The following GRB14 variants were observed in gnomAD, a reference collection of about 807,000 sequenced individuals.
The protein encoded by GRB14 is growth factor receptor bound protein 14.
GRB14 carries 38 observed loss-of-function variants against 69.1 expected under a neutral mutation model. That is an observed-to-expected ratio of 0.55 (90% CI 0.42 to 0.72). GRB14 has a LOEUF of 0.72. Ranked by LOEUF, GRB14 falls within the 30% of genes least tolerant of loss-of-function variation. The pLI is 0.00. For missense variants in GRB14, 666 were observed against 666.1 expected (o/e 1.00, Z 0.00); for synonymous variants, 247 against 241.3 (o/e 1.02, Z -0.22).
Position 164,497,059 on chromosome 2 carries a change from A to G in GRB14, c.1331T>C (p.Ile444Thr). ...CAATCGCTGAGCCTCATCTCTAGAA[A>G]TTTTGTGGTGAAACCATGGCTGGGA... ...HRSQPWFHHK[I>T]SRDEAQRLII... Residue 444 changes from isoleucine to threonine, a missense_variant, in exon 12 of 14, where the codon ATT becomes ACT. Ile to Thr is a moderately conservative substitution (Grantham distance 89). Transcript: ENST00000263915. 6.2e-7 allele frequency: 1 copy of G among 1,613,968 alleles called. No individual in the cohort carries two copies. Among genetic ancestry groups the G allele is most frequent in the Non-Finnish European group, 8.5e-7 (1 of 1,179,892 alleles).
In GRB14 at chr2:164,621,060, T is replaced by TCA; in HGVS notation, c.191+57_191+58dup. 1.6e-6 allele frequency: 2 copies of TCA among 1,233,396 alleles called. No homozygotes were observed. Among genetic ancestry groups the TCA allele is most frequent in the East Asian group, 6.3e-5 (2 of 31,612 alleles). 76.4% of individuals were successfully genotyped at this position (1,233,396 alleles called of 1,614,324 possible). On this transcript the variant is annotated intron_variant, in intron 1 of 13. Transcript: ENST00000263915. This position sits in a 1 kb window ranked among gnomAD's most constrained non-coding sequence, Gnocchi z 6.0. ...TGGCTCACCCCCTAGGACCGCCTCCTCACCCCCTCGCCGGCTGCCCAGCCA... is the reference window on the plus strand; with the variant it reads ...TGGCTCACCCCCTAGGACCGCCTCCTCACACCCCCTCGCCGGCTGCCCAGCCA...
At chr2:164,557,915 T>C (rs957352399) in intron 2 of GRB14, among the ~76,000 whole-genome samples, 4 of 152,046 alleles carry the variant, frequency 2.6e-5, no homozygotes, top group Non-Finnish European at 5.9e-5. Flanking sequence ...AATCCACAGA[T>C]GATGTTTTAT....
intron 2 of GRB14, among the ~76,000 whole-genome samples, chr2:164,552,114 T>C (rs966538542): frequency 6.6e-6 from 1 of 152,200 alleles, no homozygotes; most frequent in Admixed American, 6.5e-5. Flanking sequence ...CCCATGAATA[T>C]AGCACCAGGA....
intron 2 of GRB14, among the ~76,000 whole-genome samples, chr2:164,548,101 A>T (rs574612246): frequency 6.6e-6 from 1 of 152,132 alleles, no homozygotes; most frequent in Non-Finnish European, 1.5e-5. Context: ...AGAGCTCTAG[A>T]TGTGTTCATC....
At chr2:164,536,828 A>G (rs1231119797) in intron 3 of GRB14, among the ~76,000 whole-genome samples, 1 of 152,190 alleles carries the variant, frequency 6.6e-6, no homozygotes, top group Non-Finnish European at 1.5e-5. Flanking sequence ...ACAACCTTGT[A>G]TCTAAATCTT....
In GRB14 at chr2:164,530,230, C is replaced by T. The variant is rs545412594; in HGVS notation, c.482-3095G>A. 3.3e-5 allele frequency among the ~76,000 whole-genome samples: 5 copies of T among 152,170 alleles called. 1 individual carries two copies. Among genetic ancestry groups the T allele is most frequent in the East Asian group, 3.9e-4 (2 of 5,156 alleles). On this transcript the variant is annotated intron_variant, in intron 3 of 13. Coordinates refer to ENST00000263915, the MANE Select transcript of GRB14 (RefSeq NM_004490.3). ...TGCAGGAAGGTAAAGGGGGAGCAGG[C>T]GTGTCACACGGCAAGAGACAGCAAT... is the stretch of plus-strand genomic sequence containing the variant.
chr2:164,601,304 T>C (rs556483769), intron 2 of GRB14, among the ~76,000 whole-genome samples: 105 of 152,178 alleles, frequency 6.9e-4, no homozygotes, highest in Non-Finnish European at 1.2e-3. Context: ...ATTTTTGATA[T>C]TTCATAAAGG....
chr2:164,594,505 C>T (rs1461167365), intron 2 of GRB14, among the ~76,000 whole-genome samples: 2 of 152,154 alleles, frequency 1.3e-5, no homozygotes, highest in African/African-American at 4.8e-5. Flanking sequence ...TGGCCTCTTC[C>T]TCCAGGATGC....
intron 3 of GRB14, among the ~76,000 whole-genome samples, chr2:164,533,760 C>T (rs942211467): frequency 6.6e-6 from 1 of 152,194 alleles, no homozygotes; most frequent in African/African-American, 2.4e-5. Flanking sequence ...TAAGCAGGTT[C>T]GGTGGCTCAT....
At chr2:164,542,610 G>A (rs1039994169) in intron 3 of GRB14, among the ~76,000 whole-genome samples, 1 of 152,056 alleles carries the variant, frequency 6.6e-6, no homozygotes, top group Non-Finnish European at 1.5e-5. Context: ...CTTGAAAGAA[G>A]ACATACAAGT....
At chr2:164,545,355 T>G (rs1688348469) in intron 3 of GRB14, among the ~76,000 whole-genome samples, 2 of 152,146 alleles carry the variant, frequency 1.3e-5, no homozygotes, top group Non-Finnish European at 2.9e-5. Context: ...TTAAGGATCT[T>G]GAAATGGAGA....
intron 2 of GRB14, chr2:164,568,471 G>A: frequency 8.5e-7 from 1 of 1,170,960 alleles, no homozygotes; most frequent in Non-Finnish European, 1.1e-6. Flanking sequence ...AGGGCTCAGT[G>A]CAATGAAACA....
intron 2 of GRB14, among the ~76,000 whole-genome samples, chr2:164,560,991 G>T (rs1306835719): frequency 2.6e-5 from 4 of 152,106 alleles, no homozygotes; most frequent in African/African-American, 9.7e-5. Flanking sequence ...TGCCAAAAAA[G>T]AGATTATTAT....
chr2:164,615,290 T>C (rs945040134), intron 2 of GRB14, among the ~76,000 whole-genome samples: 8 of 152,176 alleles, frequency 5.3e-5, no homozygotes, highest in African/African-American at 1.7e-4. Flanking sequence ...TAAAATCAAA[T>C]ATTTGATAGA....
chr2:164,573,894 C>T lies in GRB14; in HGVS notation c.325-26078G>A, dbSNP rs112034268. ...GCAAGACTGGATGCCAAGATTGATT[C>T]TAAATTAGGTCATGTGGTTATGGGT... On this transcript the variant is annotated intron_variant, in intron 2 of 13. Coordinates refer to ENST00000263915, the MANE Select transcript of GRB14 (RefSeq NM_004490.3). 2,171 of 1,613,250 alleles carry T rather than the reference C, an allele frequency of 1.3e-3. 25 individuals are homozygous for T. The African/African-American group carries it at 0.026, about 19-fold the overall frequency.
At chr2:164,583,896 C>G (rs1689473182) in intron 2 of GRB14, among the ~76,000 whole-genome samples, 1 of 151,978 alleles carries the variant, frequency 6.6e-6, no homozygotes, top group South Asian at 2.1e-4. Flanking sequence ...GCTGAAAATA[C>G]TTATTTTGTC....
At position 164,566,377 on chromosome 2, in the gene GRB14, A is replaced by G. The variant is rs572502581; in HGVS notation, c.325-18561T>C. Among the ~76,000 whole-genome samples, 4 of 152,314 alleles carry G rather than the reference A, an allele frequency of 2.6e-5. 1 individual carries two copies. The highest frequency in any genetic ancestry group is 7.2e-5 in the African/African-American group (3 of 41,592). ...AGAGTTAAAATATCAGGAGAAGCAC[A>G]TAATGGTGTGCTAAATTATATAAAC... is the stretch of plus-strand genomic sequence containing the variant. On this transcript the variant is annotated intron_variant, in intron 2 of 13. Transcript: ENST00000263915.
rs1282424651 is a variant in GRB14 at position 164,619,839 on chromosome 2, G to A, written c.192-20C>T. 4.4e-6 allele frequency: 7 copies of A among 1,587,286 alleles called. No homozygotes were observed. The highest frequency in any genetic ancestry group is 1.7e-4 in the Middle Eastern group (1 of 6,026). ...TTTCTCCTACAGTAAGAGAACATAG[G>A]ATGTAATTTACATAAAACAGAATGT... On this transcript the variant is annotated intron_variant, in intron 1 of 13. Coordinates refer to ENST00000263915, the MANE Select transcript of GRB14 (RefSeq NM_004490.3).
At chr2:164,502,638 C>G (rs1438283670) in intron 8 of GRB14, among the ~76,000 whole-genome samples, 1 of 150,844 alleles carries the variant, frequency 6.6e-6, no homozygotes, top group Non-Finnish European at 1.5e-5. Context: ...TGGAGTAGTA[C>G]ACTGCCTCAT....
Sources: allele counts gnomAD v4.1 joint callset (sites outside exome capture counted in the v4.1 genomes callset), GRCh38; gene constraint gnomAD v4.1.1; non-coding constraint Gnocchi (gnomAD v3.1); transcripts MANE v1.5; gene names NCBI Gene and HGNC (gene_info 2026-07-23, HGNC 2026-07-21).